The following CA10 variants were observed in gnomAD, a reference collection of about 807,000 sequenced individuals.
CA10 encodes the protein carbonic anhydrase 10 (inactive), also known as carbonic anhydrase-related protein 10.
CA10 carries 14 observed loss-of-function variants against 44.2 expected under a neutral mutation model. The observed-to-expected ratio is 0.32, with a 90% confidence interval of 0.21 to 0.50. The LOEUF is 0.50. Ranked by LOEUF, CA10 falls within the 20% of genes least tolerant of loss-of-function variation. The pLI, the probability that CA10 is intolerant of heterozygous loss-of-function variation, is 0.99. For missense variants in CA10, 350 were observed against 409.7 expected (o/e 0.85, Z 1.26); for synonymous variants, 159 against 141.6 (o/e 1.12, Z -0.87).
chr17:51,815,891 C>T (rs1176962645), intron 3 of CA10, among the ~76,000 whole-genome samples: 3 of 151,926 alleles, frequency 2.0e-5, no homozygotes, highest in Non-Finnish European at 4.4e-5. Context: ...AATGGCGTAT[C>T]CACCTCCTCA....
chr17:51,831,695 A>AGCGGCGGCAGCGGCAGCGGCG (rs1567854577), intron 3 of CA10, among the ~76,000 whole-genome samples: 1 of 80,806 alleles, frequency 1.2e-5, no homozygotes, highest in Admixed American at 1.2e-4. Context: ...CAGCAGCAGC[A>AGCGGCGGCAGCGGCAGCGGCG]GCAGCAGCAG....
At chr17:51,655,557 A>T (rs556069171) in intron 4 of CA10, among the ~76,000 whole-genome samples, 44 of 152,360 alleles carry the variant, frequency 2.9e-4, no homozygotes, top group African/African-American at 1.0e-3. Flanking sequence ...GTGCATCCAG[A>T]TCACCTGGGT....
chr17:51,816,807 G>C (rs551041692), intron 3 of CA10, among the ~76,000 whole-genome samples: 45 of 151,742 alleles, frequency 3.0e-4, no homozygotes, highest in Non-Finnish European at 5.7e-4. Context: ...TTCAGAGAAG[G>C]GTCCATAGCC....
At chr17:51,886,700 G>T (rs1980617216) in intron 3 of CA10, among the ~76,000 whole-genome samples, 1 of 152,166 alleles carries the variant, frequency 6.6e-6, no homozygotes, top group Non-Finnish European at 1.5e-5. Context: ...ATTAGCATTT[G>T]AATCAGTAGA....
intron 4 of CA10, among the ~76,000 whole-genome samples, chr17:51,741,135 C>G (rs549027334): frequency 1.3e-5 from 2 of 152,270 alleles, no homozygotes; most frequent in African/African-American, 4.8e-5. Context: ...AGCATGTGAA[C>G]AGTGGCCAAG....
At chr17:51,769,711 A>T (rs914906242) in intron 3 of CA10, among the ~76,000 whole-genome samples, 2 of 152,142 alleles carry the variant, frequency 1.3e-5, no homozygotes, top group Non-Finnish European at 2.9e-5. Flanking sequence ...CAATATAGCT[A>T]GTGAGTTAAA....
intron 3 of CA10, among the ~76,000 whole-genome samples, chr17:51,857,616 A>G (rs1979111343): frequency 6.6e-6 from 1 of 152,176 alleles, no homozygotes; most frequent in Admixed American, 6.5e-5. Context: ...TCAACTTACT[A>G]TCGCAACAAA....
chr17:52,117,195 C>T (rs1988915817), intron 1 of CA10, among the ~76,000 whole-genome samples: 1 of 152,212 alleles, frequency 6.6e-6, no homozygotes, highest in African/African-American at 2.4e-5. Context: ...CCTTGCCACT[C>T]TTAATGCATG....
intron 1 of CA10, among the ~76,000 whole-genome samples, chr17:52,105,135 C>G (rs896178011): frequency 8.0e-6 from 1 of 125,368 alleles, no homozygotes; most frequent in Non-Finnish European, 1.8e-5. Context: ...GGCCCGGGCT[C>G]AGGGAATCTG....
chr17:51,669,523 G>T (rs777863408), intron 4 of CA10, among the ~76,000 whole-genome samples: 1 of 152,068 alleles, frequency 6.6e-6, no homozygotes, highest in Non-Finnish European at 1.5e-5. Flanking sequence ...TTCGCTCTTC[G>T]TACTAAATCT....
At chr17:51,921,823 C>A (rs1982245582) in intron 3 of CA10, among the ~76,000 whole-genome samples, 1 of 152,134 alleles carries the variant, frequency 6.6e-6, no homozygotes, top group Admixed American at 6.6e-5. Context: ...TGTTGCTCGG[C>A]CTGAATCTGT....
At chr17:51,959,398 G>A (rs203019) in intron 2 of CA10, among the ~76,000 whole-genome samples, 9 of 151,088 alleles carry the variant, frequency 6.0e-5, no homozygotes, top group Non-Finnish European at 1.3e-4. Flanking sequence ...GTCATCATGG[G>A]AAGTGTGAAA....
intron 3 of CA10, among the ~76,000 whole-genome samples, chr17:51,776,526 T>C (rs1335756566): frequency 6.6e-6 from 1 of 152,212 alleles, no homozygotes; most frequent in Non-Finnish European, 1.5e-5. Flanking sequence ...AAATTATTAA[T>C]ATTTTACATG....
chr17:51,652,185 A>G (rs1371876197), intron 5 of CA10, among the ~76,000 whole-genome samples: 5 of 152,252 alleles, frequency 3.3e-5, no homozygotes, highest in Non-Finnish European at 7.3e-5. Context: ...TATAAGCGAC[A>G]TGAACTTGGG....
chr17:51,686,090 G>A (rs1915001148), intron 4 of CA10, among the ~76,000 whole-genome samples: 1 of 151,940 alleles, frequency 6.6e-6, no homozygotes, highest in Non-Finnish European at 1.5e-5. Flanking sequence ...TGGGTCGGGG[G>A]GGGCGTCTGT....
intron 3 of CA10, among the ~76,000 whole-genome samples, chr17:51,885,083 T>C (rs1980539676): frequency 6.6e-6 from 1 of 152,186 alleles, no homozygotes; most frequent in Admixed American, 6.5e-5. Flanking sequence ...GTTCAACATA[T>C]ATTATTGGGA....
chr17:51,795,823 G>A (rs995612130), intron 3 of CA10, among the ~76,000 whole-genome samples: 11 of 152,198 alleles, frequency 7.2e-5, no homozygotes, highest in Non-Finnish European at 1.6e-4. Flanking sequence ...GGCAGTTGTA[G>A]GAAGGAATAG....
intron 4 of CA10, among the ~76,000 whole-genome samples, chr17:51,679,684 C>T (rs186938065): frequency 8.5e-4 from 129 of 152,042 alleles, no homozygotes; most frequent in Middle Eastern, 3.4e-3. Flanking sequence ...CTCAGCCTCC[C>T]AAATGGAGAC....
chr17:51,753,332 T>C (rs917597907), intron 3 of CA10, among the ~76,000 whole-genome samples: 2 of 152,240 alleles, frequency 1.3e-5, no homozygotes, highest in Non-Finnish European at 2.9e-5. Context: ...TGTATTTATT[T>C]TGCAAAATTA....
Sources: gnomAD v4.1 joint callset for allele counts (sites outside exome capture counted in the v4.1 genomes callset) on GRCh38, gnomAD v4.1.1 for gene constraint, MANE v1.5 for transcripts, NCBI Gene and HGNC (gene_info 2026-07-23, HGNC 2026-07-21) for gene names.